Variants in ITPKB observed in about 807,000 individuals in gnomAD.
ITPKB encodes the protein inositol-trisphosphate 3-kinase B, also known as IP3 3-kinase B.
Under a neutral mutation model 69.4 loss-of-function variants are expected in ITPKB, and 13 were observed. The observed-to-expected ratio is 0.19, with a 90% CI of 0.12 to 0.30. The LOEUF is 0.30. Among genes scored for constraint, ITPKB ranks in the 10% least tolerant of loss-of-function variants. The probability of loss-of-function intolerance (pLI) is 1.00; values close to 1 mark genes in which losing one functional copy is unlikely to be tolerated. For synonymous variants in ITPKB, 584 were observed against 513.7 expected (o/e 1.14, Z -1.85); for missense variants, 1,240 against 1,250.5 (o/e 0.99, Z 0.13).
chr1:226,735,392 T>C, intron 2 of ITPKB, 135 bp downstream of exon 2: 2 of 981,142 alleles, frequency 2.0e-6, no homozygotes, highest in African/African-American at 1.7e-5. Context: ...GACAGAATTA[T>C]TCACTGTGAC....
intron 2 of ITPKB, among the ~76,000 whole-genome samples, chr1:226,702,526 G>T (rs1656693821): frequency 1.3e-5 from 2 of 152,144 alleles, no homozygotes; most frequent in Admixed American, 1.3e-4. Context: ...GTGGCTATCT[G>T]GTTACAAAGG....
intron 2 of ITPKB, among the ~76,000 whole-genome samples, chr1:226,703,131 A>C (rs184976531): frequency 5.4e-4 from 82 of 152,290 alleles, no homozygotes; most frequent in Middle Eastern, 6.8e-3. Context: ...GAAAGTGATT[A>C]TGAGGAAAAA....
At position 226,682,394 on chromosome 1, in the gene ITPKB, C is replaced by A. The variant is rs186712335; in HGVS notation, c.1933-33623G>T. 1.9e-3 allele frequency among the ~76,000 whole-genome samples: 292 copies of A among 152,320 alleles called. 2 individuals are homozygous for A. The highest frequency in any genetic ancestry group is 6.9e-3 in the African/African-American group (285 of 41,558). ...AAGGGACTTCTGTGTACTGGCAGTG[C>A]AAGGCAAGGTAGCAACATAGAGCAA... On this transcript the variant is annotated intron_variant, in intron 2 of 7. Coordinates refer to ENST00000429204, the MANE Select transcript of ITPKB (RefSeq NM_002221.4).
At chr1:226,638,504 G>A (rs978441966) in intron 6 of ITPKB, among the ~76,000 whole-genome samples, 30 of 152,172 alleles carry the variant, frequency 2.0e-4, no homozygotes, top group Admixed American at 1.7e-3. Context: ...TCCAGGGCCC[G>A]TGTCCCAGAT....
At chr1:226,702,967 G>C (rs1656704048) in intron 2 of ITPKB, among the ~76,000 whole-genome samples, 1 of 152,154 alleles carries the variant, frequency 6.6e-6, no homozygotes, top group Admixed American at 6.5e-5. Flanking sequence ...GAAAATCTGA[G>C]CTGGTGTAAC....
chr1:226,639,993 G>A lies in ITPKB; in HGVS notation c.2452-335C>T, dbSNP rs565403102. Among the ~76,000 whole-genome samples, 374 of 152,256 alleles carry A rather than the reference G, an allele frequency of 2.5e-3. 3 individuals carry two copies. Among genetic ancestry groups the A allele is most frequent in the African/African-American group, 8.4e-3 (349 of 41,544 alleles). ...TGGCCTGTCCTGGGTGCAACAGCAGGGCCAAGAGAGAGGGTCGGCCTCGAC... is the reference window on the plus strand; with the variant it reads ...TGGCCTGTCCTGGGTGCAACAGCAGAGCCAAGAGAGAGGGTCGGCCTCGAC... On this transcript the variant is annotated intron_variant, in intron 5 of 7. Transcript: ENST00000429204.
intron 2 of ITPKB, among the ~76,000 whole-genome samples, chr1:226,713,762 T>C (rs1221449146): frequency 6.6e-6 from 1 of 152,106 alleles, no homozygotes; most frequent in African/African-American, 2.4e-5. Context: ...TTTACTACAG[T>C]GACAGCCAAA....
At chr1:226,635,840 G>A (rs989214611) in intron 7 of ITPKB, among the ~76,000 whole-genome samples, 2 of 152,242 alleles carry the variant, frequency 1.3e-5, no homozygotes, top group Non-Finnish European at 2.9e-5. Context: ...GCATGGGAGC[G>A]AGGCGCTTTC....
intron 2 of ITPKB, among the ~76,000 whole-genome samples, chr1:226,710,232 C>T (rs1024026486): frequency 3.3e-5 from 5 of 152,110 alleles, no homozygotes; most frequent in African/African-American, 9.7e-5. Flanking sequence ...AATGGAAGCA[C>T]CTGTGTTCAT....
At chr1:226,654,473 T>A (rs981682065) in intron 2 of ITPKB, among the ~76,000 whole-genome samples, 2 of 152,170 alleles carry the variant, frequency 1.3e-5, no homozygotes, top group Non-Finnish European at 2.9e-5. Context: ...AAGTTCCTGG[T>A]CTGAAGAGCA....
rs543927736 is a variant in ITPKB, at chr1:226,731,738, G to T, written c.1932+3789C>A. 7.4e-4 allele frequency among the ~76,000 whole-genome samples: 112 copies of T among 152,080 alleles called. 1 individual carries two copies. In the South Asian group the frequency reaches 0.023, roughly 32 times the overall value. On this transcript the variant is annotated intron_variant, in intron 2 of 7. Coordinates refer to ENST00000429204, the MANE Select transcript of ITPKB (RefSeq NM_002221.4). ...CCAGAACCCAAAATAAATGACTCGG[G>T]GTCCTCCCAGATCTCAAAGCTGCTG...
chr1:226,730,179 T>G (rs1657547980), intron 2 of ITPKB, among the ~76,000 whole-genome samples: 1 of 152,136 alleles, frequency 6.6e-6, no homozygotes, highest in African/African-American at 2.4e-5. Flanking sequence ...AAGGTAGCCC[T>G]CCACAGTCAG....
chr1:226,660,002 C>T (rs956872389), intron 2 of ITPKB, among the ~76,000 whole-genome samples: 5 of 152,206 alleles, frequency 3.3e-5, no homozygotes, highest in African/African-American at 9.6e-5. Context: ...CCTGCTCACA[C>T]CTGGATTTTT....
chr1:226,656,068 G>A (rs756529009), intron 2 of ITPKB, among the ~76,000 whole-genome samples: 41 of 152,224 alleles, frequency 2.7e-4, no homozygotes, highest in Admixed American at 1.2e-3. Flanking sequence ...AATGACTGAG[G>A]ATGCTCAGGA....
chr1:226,647,796 G>A (rs1024584107), intron 3 of ITPKB, among the ~76,000 whole-genome samples: 1 of 152,276 alleles, frequency 6.6e-6, no homozygotes, highest in Non-Finnish European at 1.5e-5. Context: ...CAGAGCCAAG[G>A]TGGGGAGATA....
intron 2 of ITPKB, among the ~76,000 whole-genome samples, chr1:226,725,012 C>T (rs950314676): frequency 6.6e-6 from 1 of 152,166 alleles, no homozygotes; most frequent in Non-Finnish European, 1.5e-5. Context: ...AGACTCCTTC[C>T]CTAGAGGCTG....
At chr1:226,670,391 A>T (rs1438674543) in intron 2 of ITPKB, among the ~76,000 whole-genome samples, 3 of 152,168 alleles carry the variant, frequency 2.0e-5, no homozygotes, top group African/African-American at 7.2e-5. Context: ...TACTTAAGGA[A>T]ATACTCCAAA....
chr1:226,639,438 C>T lies in ITPKB; in HGVS notation c.2553+119G>A, dbSNP rs181110223. On this transcript the variant is annotated intron_variant, in intron 6 of 7. Transcript: ENST00000429204. Reference sequence around the variant, plus strand: ...GCCTCTCTACAGAGCCCTACGAACTCGGGCTGGGGTGTGCTGTCCCTGGGG... The same window carrying T: ...GCCTCTCTACAGAGCCCTACGAACTTGGGCTGGGGTGTGCTGTCCCTGGGG... 306 of 714,890 alleles carry T rather than the reference C, an allele frequency of 4.3e-4. 1 individual carries two copies. The East Asian group carries it at 4.8e-3, about 11-fold the overall frequency. 44.3% of individuals were successfully genotyped at this position (714,890 alleles called of 1,614,324 possible).
At position 226,634,979 on chromosome 1, in the gene ITPKB, C is replaced by T. The variant is rs866015182; in HGVS notation, c.2626-93G>A. 2.2e-6 allele frequency: 2 copies of T among 929,934 alleles called. No homozygotes were observed. Among genetic ancestry groups the T allele is most frequent in the Non-Finnish European group, 3.3e-6 (2 of 609,470 alleles). The allele number at this position is 929,934 out of a possible 1,614,324, so 57.6% of individuals were successfully genotyped here. A position where few individuals can be genotyped will look rare whatever the true frequency, so the allele number is the denominator to read the frequency against. On this transcript the variant is annotated intron_variant, in intron 7 of 7. Transcript: ENST00000429204. The surrounding 1 kb of genome is among the most constrained non-coding windows in gnomAD (Gnocchi z 6.3). ...GCCTGGGTGACCAGGTGGGGAGGCT[C>T]GCTCAGGCCGGACAGTTGGGTGCCT... is the stretch of plus-strand genomic sequence containing the variant.
Sources: gnomAD v4.1 joint callset for allele counts (sites outside exome capture counted in the v4.1 genomes callset) on GRCh38, gnomAD v4.1.1 for gene constraint, Gnocchi (gnomAD v3.1) non-coding constraint, MANE v1.5 for transcripts, NCBI Gene and HGNC (gene_info 2026-07-23, HGNC 2026-07-21) for gene names.